Variants in PPP3CA observed in about 807,000 individuals in gnomAD.
PPP3CA encodes protein phosphatase 3 catalytic subunit alpha.
A neutral mutation model predicts 66.5 loss-of-function variants in PPP3CA; 14 were observed. The observed-to-expected ratio is 0.21, with a 90% CI of 0.14 to 0.33. The LOEUF (loss-of-function observed/expected upper bound fraction) is 0.33. PPP3CA is among the 10% of genes least tolerant of loss of function. PPP3CA has a pLI of 1.00. For missense variants in PPP3CA, 317 were observed against 639.5 expected (o/e 0.50, Z 5.44); for synonymous variants, 232 against 226.2 (o/e 1.03, Z -0.23).
At chr4:101,067,222 T>C (rs1240230980) in intron 8 of PPP3CA, among the ~76,000 whole-genome samples, 1 of 152,172 alleles carries the variant, frequency 6.6e-6, no homozygotes, top group African/African-American at 2.4e-5. Context: ...GTCCTTTTTC[T>C]GATGTCAAAA....
intron 1 of PPP3CA, among the ~76,000 whole-genome samples, chr4:101,207,923 G>T (rs1018850124): frequency 6.6e-6 from 1 of 151,902 alleles, no homozygotes; most frequent in Non-Finnish European, 1.5e-5. Context: ...TAATTCCCAT[G>T]ATATATGACT....
intron 5 of PPP3CA, among the ~76,000 whole-genome samples, chr4:101,095,796 C>T (rs1028794988): frequency 1.3e-5 from 2 of 152,024 alleles, no homozygotes; most frequent in Admixed American, 1.3e-4. Flanking sequence ...GGATTACAGG[C>T]GCGCGCCACC....
At chr4:101,242,629 T>A (rs1726349002) in intron 1 of PPP3CA, among the ~76,000 whole-genome samples, 1 of 152,106 alleles carries the variant, frequency 6.6e-6, no homozygotes, top group Non-Finnish European at 1.5e-5. Flanking sequence ...ATTATCGAAA[T>A]ATGTTACATT....
intron 1 of PPP3CA, among the ~76,000 whole-genome samples, chr4:101,199,047 G>A (rs923056589): frequency 1.3e-5 from 2 of 152,286 alleles, no homozygotes; most frequent in Admixed American, 6.5e-5. Flanking sequence ...TGAACACAGA[G>A]ATGCCGCCAG....
Position 101,195,267 on chromosome 4 carries a change from C to CA in PPP3CA, c.259+648dup, listed in dbSNP as rs11326830. On this transcript the variant is annotated intron_variant, in intron 2 of 13. Transcript: ENST00000394854. ...TGGTGACAAGAGTGAAACTTCATCTCAAAAAAAAAAAAAAAAGATATTTTG... is the reference window on the plus strand; with the variant it reads ...TGGTGACAAGAGTGAAACTTCATCTCAAAAAAAAAAAAAAAAAGATATTTTG... Among the ~76,000 whole-genome samples the CA allele has an allele frequency of 2.1e-3, 265 of 128,016 alleles. 2 individuals carry two copies. The highest frequency in any genetic ancestry group is 0.013 in the South Asian group (53 of 3,942). The allele number at this position is 128,016 out of a possible 152,430, so 84.0% of individuals were successfully genotyped here.
intron 1 of PPP3CA, among the ~76,000 whole-genome samples, chr4:101,313,755 G>A (rs1327248099): frequency 6.6e-6 from 1 of 152,162 alleles, no homozygotes; most frequent in Admixed American, 6.5e-5. Flanking sequence ...TTTATTATAA[G>A]CAAATGGCTA....
chr4:101,197,108 T>C (rs965607660), intron 1 of PPP3CA, among the ~76,000 whole-genome samples: 4 of 152,238 alleles, frequency 2.6e-5, no homozygotes, highest in Non-Finnish European at 5.9e-5. Context: ...TCATCCCATG[T>C]ATCTTTCATG....
intron 1 of PPP3CA, among the ~76,000 whole-genome samples, chr4:101,266,596 G>C (rs1727177569): frequency 6.6e-6 from 1 of 152,018 alleles, no homozygotes; most frequent in Admixed American, 6.6e-5. Flanking sequence ...GAAATCTCAA[G>C]GAAATATCAA....
At chr4:101,193,562 T>A (rs1724686459) in intron 2 of PPP3CA, among the ~76,000 whole-genome samples, 1 of 152,018 alleles carries the variant, frequency 6.6e-6, no homozygotes, top group Non-Finnish European at 1.5e-5. Context: ...TGCTCACCTA[T>A]CTAAATCCAC....
chr4:101,154,807 A>ATTTTT (rs1287129479), intron 2 of PPP3CA, among the ~76,000 whole-genome samples: 5 of 122,950 alleles, frequency 4.1e-5, no homozygotes, highest in African/African-American at 7.0e-5. Flanking sequence ...TCACTCCCAG[A>ATTTTT]ATTTTTTTTT....
At chr4:101,129,325 T>C (rs563968439) in intron 2 of PPP3CA, among the ~76,000 whole-genome samples, 188 of 152,270 alleles carry the variant, frequency 1.2e-3, no homozygotes, top group African/African-American at 4.4e-3. Flanking sequence ...ACAGCTTCAG[T>C]AGACTTAAAC....
chr4:101,047,918 C>T, intron 10 of PPP3CA, among the ~76,000 whole-genome samples: 1 of 151,880 alleles, frequency 6.6e-6, no homozygotes, highest in South Asian at 2.1e-4. Flanking sequence ...AGATAGAGAG[C>T]ACTAACATAT....
intron 8 of PPP3CA, among the ~76,000 whole-genome samples, chr4:101,072,954 TTA>T (rs564467461): frequency 1.4e-5 from 2 of 144,844 alleles, no homozygotes; most frequent in African/African-American, 2.6e-5. Flanking sequence ...AAAAAAAAAA[TTA>T]TATATATATA....
At chr4:101,152,955 G>A (rs1723190255) in intron 2 of PPP3CA, among the ~76,000 whole-genome samples, 1 of 152,162 alleles carries the variant, frequency 6.6e-6, no homozygotes, top group African/African-American at 2.4e-5. Flanking sequence ...TTTAATTTGA[G>A]ACCCAAAGGG....
chr4:101,335,097 G>A (rs1578201009), intron 1 of PPP3CA, among the ~76,000 whole-genome samples: 1 of 152,140 alleles, frequency 6.6e-6, no homozygotes, highest in East Asian at 1.9e-4. Flanking sequence ...CTTAAAATAA[G>A]TCATCTGCAA....
At chr4:101,165,830 C>T (rs1297386431) in intron 2 of PPP3CA, among the ~76,000 whole-genome samples, 10 of 152,096 alleles carry the variant, frequency 6.6e-5, no homozygotes, top group Non-Finnish European at 1.5e-4. Context: ...ATAGATACTA[C>T]ATAAAATTTT....
chr4:101,339,235 C>A (rs1350049868), intron 1 of PPP3CA, among the ~76,000 whole-genome samples: 1 of 151,948 alleles, frequency 6.6e-6, no homozygotes, highest in African/African-American at 2.4e-5. Flanking sequence ...CCAATTTGTT[C>A]TTTTTCATGA....
At chr4:101,303,503 C>T (rs967771732) in intron 1 of PPP3CA, among the ~76,000 whole-genome samples, 14 of 152,028 alleles carry the variant, frequency 9.2e-5, no homozygotes, top group Admixed American at 8.5e-4. Flanking sequence ...CCCAAGTGTA[C>T]GGTGATCCAA....
chr4:101,164,006 G>C (rs1308770019), intron 2 of PPP3CA, among the ~76,000 whole-genome samples: 1 of 29,034 alleles, frequency 3.4e-5, no homozygotes, highest in Non-Finnish European at 6.3e-5. Context: ...TTAGAGACGA[G>C]GTCTTGCTCT....
Sources: gnomAD v4.1 joint callset for allele counts (sites outside exome capture counted in the v4.1 genomes callset) on GRCh38, gnomAD v4.1.1 for gene constraint, MANE v1.5 for transcripts, NCBI Gene and HGNC (gene_info 2026-07-23, HGNC 2026-07-21) for gene names.